Variants in VTI1A observed in about 807,000 individuals in gnomAD.
VTI1A encodes the protein vesicle transport through interaction with t-SNAREs homolog 1A.
Under a neutral mutation model 34.9 loss-of-function variants are expected in VTI1A, and 22 were observed. That is an observed-to-expected ratio of 0.63 (90% CI 0.45 to 0.90). The LOEUF (loss-of-function observed/expected upper bound fraction) is 0.90, where lower values mean the gene tolerates loss of function less well. Ranked by LOEUF, VTI1A falls within the 40% of genes least tolerant of loss-of-function variation. The probability of loss-of-function intolerance (pLI) is 0.00; values close to 1 mark genes in which losing one functional copy is unlikely to be tolerated. For synonymous variants in VTI1A, 87 were observed against 97.3 expected, an observed-to-expected ratio of 0.89 and a Z score of 0.62; for missense variants, 268 against 275.6, an observed-to-expected ratio of 0.97 and a Z score of 0.20.
At chr10:112,674,524 A>G (rs766432807) in intron 7 of VTI1A, among the ~76,000 whole-genome samples, 1 of 152,176 alleles carries the variant, frequency 6.6e-6, no homozygotes, top group Non-Finnish European at 1.5e-5. Flanking sequence ...CTCTTTAATA[A>G]CATGCTTGTG....
chr10:112,808,077 G>A (rs1853150643), intron 7 of VTI1A, among the ~76,000 whole-genome samples: 1 of 151,884 alleles, frequency 6.6e-6, no homozygotes, highest in African/African-American at 2.4e-5. Flanking sequence ...AATTAGCCAG[G>A]TGCGGTGGTG....
intron 5 of VTI1A, among the ~76,000 whole-genome samples, chr10:112,642,977 C>CTTTTTTTTTTT (rs58619611): frequency 6.6e-5 from 8 of 121,014 alleles, no homozygotes; most frequent in East Asian, 2.4e-4. Flanking sequence ...TTTTTCTTTT[C>CTTTTTTTTTTT]TTTTTTTTTT....
chr10:112,496,840 G>GT (rs543034091), intron 3 of VTI1A, among the ~76,000 whole-genome samples: 3 of 151,998 alleles, frequency 2.0e-5, no homozygotes, highest in Non-Finnish European at 4.4e-5. Flanking sequence ...TTTCAGCAGA[G>GT]TTTTTTTTAT....
chr10:112,777,155 G>A (rs914182050), intron 7 of VTI1A, among the ~76,000 whole-genome samples: 11 of 152,128 alleles, frequency 7.2e-5, no homozygotes, highest in East Asian at 3.8e-4. Context: ...ATCAAAGTCC[G>A]TGTCAATTCC....
chr10:112,846,299 G>C, the VTI1A span, among the ~76,000 whole-genome samples: 1 of 152,196 alleles, frequency 6.6e-6, no homozygotes, highest in Admixed American at 6.5e-5. Flanking sequence ...TACAGAAATG[G>C]ATACCTCATG....
intron 3 of VTI1A, among the ~76,000 whole-genome samples, chr10:112,470,287 C>T (rs980343275): frequency 1.3e-5 from 2 of 152,058 alleles, no homozygotes; most frequent in Admixed American, 6.6e-5. Context: ...AGGGTTGAGT[C>T]GAAGTATGCT....
chr10:112,847,266 A>G, the VTI1A span, among the ~76,000 whole-genome samples: 4,408 of 152,256 alleles, frequency 0.029, 87 homozygotes, highest in Non-Finnish European at 0.041. Context: ...TAGTTGGAGC[A>G]GCCGCTAATC....
In VTI1A at chr10:112,568,935, A is replaced by G. The variant is rs956677029; in HGVS notation, c.427+30605A>G. ...TTTGGGGGGCATATGTGGGCGGATC[A>G]CCTGAGGTCGGGAGTTTGAGACCAG... On this transcript the variant is annotated intron_variant, in intron 5 of 7. Transcript: ENST00000393077. Among the ~76,000 whole-genome samples the G allele has an allele frequency of 2.6e-5, 4 of 152,046 alleles. 1 individual carries two copies. The highest frequency in any genetic ancestry group is 5.9e-5 in the Non-Finnish European group (4 of 68,002).
At chr10:112,600,591 A>G (rs1844841303) in intron 5 of VTI1A, among the ~76,000 whole-genome samples, 1 of 152,162 alleles carries the variant, frequency 6.6e-6, no homozygotes, top group Non-Finnish European at 1.5e-5. Flanking sequence ...CTAAAATAGC[A>G]TCTTTCATTT....
chr10:112,699,149 A>G (rs1161831445), intron 7 of VTI1A, among the ~76,000 whole-genome samples: 1 of 152,200 alleles, frequency 6.6e-6, no homozygotes, highest in Non-Finnish European at 1.5e-5. Context: ...TTACTTGGTA[A>G]TTTCAGCATA....
chr10:112,518,572 T>A (rs1849874592), intron 3 of VTI1A, among the ~76,000 whole-genome samples: 1 of 123,842 alleles, frequency 8.1e-6, no homozygotes, highest in Non-Finnish European at 1.8e-5. Flanking sequence ...TCTCTCTCTC[T>A]CTCTCTCTCT....
intron 5 of VTI1A, among the ~76,000 whole-genome samples, chr10:112,611,541 G>A (rs1359672637): frequency 6.6e-6 from 1 of 152,094 alleles, no homozygotes; most frequent in Non-Finnish European, 1.5e-5. Flanking sequence ...TCAGTGGGAA[G>A]CTTGTTGAGT....
intron 7 of VTI1A, among the ~76,000 whole-genome samples, chr10:112,773,621 C>T (rs1359957806): frequency 6.6e-6 from 1 of 152,160 alleles, no homozygotes; most frequent in Non-Finnish European, 1.5e-5. Context: ...CTCAGTGTTG[C>T]AAGTGGTGGG....
chr10:112,774,823 G>T (rs1398217005), intron 7 of VTI1A, among the ~76,000 whole-genome samples: 2 of 152,294 alleles, frequency 1.3e-5, no homozygotes, highest in East Asian at 1.9e-4. Flanking sequence ...TCGTGTGTGT[G>T]CACGGAGAAG....
At chr10:112,748,898 G>A (rs1851005554) in intron 7 of VTI1A, among the ~76,000 whole-genome samples, 1 of 152,010 alleles carries the variant, frequency 6.6e-6, no homozygotes. Flanking sequence ...CAAAGTGCTG[G>A]GATTACAGGC....
At chr10:112,595,606 A>T (rs1844603372) in intron 5 of VTI1A, among the ~76,000 whole-genome samples, 1 of 152,094 alleles carries the variant, frequency 6.6e-6, no homozygotes, top group South Asian at 2.1e-4. Flanking sequence ...TCAAAACCAC[A>T]ATGAGATACC....
At chr10:112,705,718 A>G (rs1055903542) in intron 7 of VTI1A, among the ~76,000 whole-genome samples, 1 of 152,222 alleles carries the variant, frequency 6.6e-6, no homozygotes, top group African/African-American at 2.4e-5. Context: ...AAAGAGCATC[A>G]GAATCCGTGT....
intron 7 of VTI1A, among the ~76,000 whole-genome samples, chr10:112,743,036 G>A (rs1307386262): frequency 6.6e-6 from 1 of 151,768 alleles, no homozygotes; most frequent in African/African-American, 2.4e-5. Flanking sequence ...GTGTGTGTGT[G>A]TGTGTGTGTG....
intron 3 of VTI1A, among the ~76,000 whole-genome samples, chr10:112,499,145 T>C (rs1172037691): frequency 6.6e-6 from 1 of 152,138 alleles, no homozygotes; most frequent in Non-Finnish European, 1.5e-5. Flanking sequence ...AATTAGAGTA[T>C]TTAACTTCTT....
Sources: gnomAD v4.1 joint callset for allele counts (sites outside exome capture counted in the v4.1 genomes callset) on GRCh38, gnomAD v4.1.1 for gene constraint, MANE v1.5 for transcripts, NCBI Gene and HGNC (gene_info 2026-07-23, HGNC 2026-07-21) for gene names.